Variants in FKTN observed in about 807,000 individuals in gnomAD.
FKTN encodes the protein ribitol-5-phosphate transferase FKTN.
Under a neutral mutation model 58.6 loss-of-function variants are expected in FKTN, and 47 were observed. The ratio of observed to expected loss-of-function variants is 0.80; its 90% CI spans 0.63 to 1.02. The LOEUF (loss-of-function observed/expected upper bound fraction) is 1.02. Among genes scored for constraint, FKTN ranks in the 50% least tolerant of loss-of-function variants. The pLI is 0.00. For missense variants in FKTN, 516 were observed against 537.3 expected (o/e 0.96, Z 0.39); for synonymous variants, 178 against 191.9 (o/e 0.93, Z 0.60).
chr9:105,574,319 A>G (rs1841301226), intron 2 of FKTN: 1 of 152,158 alleles, frequency 6.6e-6, no homozygotes, highest in African/African-American at 2.4e-5. Context: ...CCAAAATCAA[A>G]CAGTGGAGAC....
rs1206051176 is a variant in FKTN at position 105,636,470 on chromosome 9, A to T, written c.*1206A>T. On this transcript the variant is annotated 3_prime_UTR_variant, in exon 11 of 11. Coordinates refer to ENST00000357998, the MANE Select transcript of FKTN (RefSeq NM_001079802.2). ...CAGTTTTTCAGTCTGTTGAATGTCGATGGGGCAAGAACTCAGACTTCTACT... is the reference window on the plus strand; with the variant it reads ...CAGTTTTTCAGTCTGTTGAATGTCGTTGGGGCAAGAACTCAGACTTCTACT... 1 of 993,530 alleles carries T rather than the reference A, an allele frequency of 1.0e-6. No individual in the cohort carries two copies. Among genetic ancestry groups the T allele is most frequent in the Non-Finnish European group, 1.2e-6 (1 of 834,190 alleles). The allele number at this position is 993,530 out of a possible 1,614,324, so 61.5% of individuals were successfully genotyped here.
intron 10 of FKTN, among the ~76,000 whole-genome samples, chr9:105,624,841 G>C (rs1240717039): frequency 6.6e-6 from 1 of 152,108 alleles, no homozygotes; most frequent in African/African-American, 2.4e-5. Context: ...TTATACAAGT[G>C]TGATTTTAGC....
At chr9:105,628,588 C>T (rs548887275) in intron 10 of FKTN, among the ~76,000 whole-genome samples, 53 of 152,120 alleles carry the variant, frequency 3.5e-4, no homozygotes, top group African/African-American at 1.2e-3. Flanking sequence ...GAAATAAAAG[C>T]ATATTTTCAG....
intron 10 of FKTN, among the ~76,000 whole-genome samples, chr9:105,628,578 G>T (rs1232120153): frequency 6.6e-6 from 1 of 152,068 alleles, no homozygotes; most frequent in Non-Finnish European, 1.5e-5. Context: ...TATTCTAAGA[G>T]AAATAAAAGC....
chr9:105,627,680 C>G (rs1057347485), intron 10 of FKTN, among the ~76,000 whole-genome samples: 5 of 152,272 alleles, frequency 3.3e-5, no homozygotes, highest in Admixed American at 2.0e-4. Context: ...ACGTTGCTGT[C>G]TGTTTGAACT....
intron 3 of FKTN, among the ~76,000 whole-genome samples, chr9:105,586,964 T>A (rs1844023402): frequency 6.6e-6 from 1 of 152,234 alleles, no homozygotes; most frequent in Non-Finnish European, 1.5e-5. Context: ...CTAAAACTTG[T>A]ATTTATTCAT....
At chr9:105,561,226 A>C (rs955807811) in intron 1 of FKTN, among the ~76,000 whole-genome samples, 1 of 152,124 alleles carries the variant, frequency 6.6e-6, no homozygotes, top group Admixed American at 6.5e-5. Flanking sequence ...GTGAGCTATG[A>C]TTGTGACACT....
intron 3 of FKTN, among the ~76,000 whole-genome samples, chr9:105,588,971 G>A (rs571796769): frequency 2.3e-4 from 35 of 152,222 alleles, no homozygotes; most frequent in Middle Eastern, 3.4e-3. Flanking sequence ...CTACTTGTAG[G>A]GTCATTGGTT....
intron 1 of FKTN, among the ~76,000 whole-genome samples, chr9:105,568,848 A>T (rs1587819985): frequency 6.6e-6 from 1 of 152,224 alleles, no homozygotes. Flanking sequence ...ATGTATGTTT[A>T]TTGTGGCACT....
intron 3 of FKTN, among the ~76,000 whole-genome samples, chr9:105,594,260 T>G (rs1375874078): frequency 6.6e-6 from 1 of 152,052 alleles, no homozygotes; most frequent in African/African-American, 2.4e-5. Flanking sequence ...GAAGATGTGG[T>G]GGGGGTTTTT....
intron 10 of FKTN, among the ~76,000 whole-genome samples, chr9:105,623,896 T>A (rs1408656073): frequency 6.6e-6 from 1 of 152,198 alleles, no homozygotes; most frequent in African/African-American, 2.4e-5. Flanking sequence ...ATTTGTTAGG[T>A]AGACTTAGGA....
At chr9:105,562,537 A>C (rs1233720760) in intron 1 of FKTN, among the ~76,000 whole-genome samples, 1 of 152,212 alleles carries the variant, frequency 6.6e-6, no homozygotes, top group Admixed American at 6.5e-5. Context: ...TGTCCTCTGG[A>C]AAAAAGACTG....
Position 105,610,529 on chromosome 9 carries a change from A to G in FKTN, c.780+2578A>G, listed in dbSNP as rs533621085. Among the ~76,000 whole-genome samples the G allele has an allele frequency of 3.3e-5, 5 of 151,870 alleles. No homozygotes were observed. In the South Asian group the frequency reaches 8.3e-4, roughly 25 times the overall value. ...CTCCCTGTATGTAACCTATCTTCCA[A>G]CACATGTCCTCCCCTCCCTACCCCC... On this transcript the variant is annotated intron_variant, in intron 7 of 10. Coordinates refer to ENST00000357998, the MANE Select transcript of FKTN (RefSeq NM_001079802.2).
intron 1 of FKTN, among the ~76,000 whole-genome samples, chr9:105,568,789 G>A (rs1200765132): frequency 6.6e-6 from 1 of 152,122 alleles, no homozygotes; most frequent in East Asian, 1.9e-4. Context: ...CCATTACTGG[G>A]TATATACCCA....
chr9:105,614,401 TACTC>T (rs1005661983), intron 7 of FKTN, among the ~76,000 whole-genome samples: 3 of 152,144 alleles, frequency 2.0e-5, no homozygotes, highest in Non-Finnish European at 4.4e-5. Context: ...ATTCAGCAAA[TACTC>T]AGGCACTACT....
rs886063338 is a variant in FKTN, at chr9:105,639,863, G to A, written c.*4599G>A. ...AGTTTACTGTACTTCACTAGATTTG[G>A]TACCTGCTCTCCCCTGGACTTCTTT... On this transcript the variant is annotated 3_prime_UTR_variant, in exon 11 of 11. Transcript: ENST00000357998. The A allele has an allele frequency of 5.9e-6, 8 of 1,349,324 alleles. No individual in the cohort carries two copies. Among genetic ancestry groups the A allele is most frequent in the African/African-American group, 1.5e-5 (1 of 67,292 alleles). The allele number at this position is 1,349,324 out of a possible 1,614,324, so 83.6% of individuals were successfully genotyped here.
At chr9:105,595,900 A>AACATTCTT in intron 3 of FKTN, among the ~76,000 whole-genome samples, 1 of 152,264 alleles carries the variant, frequency 6.6e-6, no homozygotes, top group Admixed American at 6.5e-5. Context: ...TTACGCTTGA[A>AACATTCTT]ACATTCTTCC....
chr9:105,568,487 C>A (rs1203886978), intron 1 of FKTN, among the ~76,000 whole-genome samples: 2 of 152,164 alleles, frequency 1.3e-5, no homozygotes, highest in South Asian at 4.1e-4. Context: ...AGGATATGAA[C>A]AGACACTTCT....
chr9:105,563,604 G>T (rs201078970), intron 1 of FKTN, among the ~76,000 whole-genome samples: 7 of 145,722 alleles, frequency 4.8e-5, no homozygotes, highest in African/African-American at 9.8e-5. Flanking sequence ...AGGCTGGGGG[G>T]GGGGGCACCC....
Sources: allele counts gnomAD v4.1 joint callset (sites outside exome capture counted in the v4.1 genomes callset), GRCh38; gene constraint gnomAD v4.1.1; transcripts MANE v1.5; gene names NCBI Gene and HGNC (gene_info 2026-07-23, HGNC 2026-07-21).